Variants in RUNX1 observed in about 807,000 individuals in gnomAD.
RUNX1 encodes the protein runt-related transcription factor 1.
In RUNX1, 19 loss-of-function variants were observed where a neutral mutation model predicts 42.8. That is an observed-to-expected ratio of 0.44 (90% confidence interval 0.31 to 0.65). RUNX1 has a LOEUF of 0.65. RUNX1 is among the 30% of genes least tolerant of loss of function. The pLI is 0.07. For synonymous variants in RUNX1, 271 were observed against 289.4 expected, an observed-to-expected ratio of 0.94 and a Z score of 0.64; for missense variants, 528 against 672.0, an observed-to-expected ratio of 0.79 and a Z score of 2.37.
chr21:34,875,111 G>A (rs1262026481), intron 5 of RUNX1, among the ~76,000 whole-genome samples: 2 of 152,236 alleles, frequency 1.3e-5, no homozygotes, highest in Non-Finnish European at 2.9e-5. Flanking sequence ...CACAAAATCA[G>A]CAAGAAAACT....
intron 7 of RUNX1, among the ~76,000 whole-genome samples, chr21:34,805,983 A>T (rs1485995582): frequency 6.6e-6 from 1 of 152,222 alleles, no homozygotes; most frequent in African/African-American, 2.4e-5. Flanking sequence ...CATTTTTAAA[A>T]AGAATGATTA....
rs560603249 is a variant in RUNX1, at chr21:35,031,040, A to G, written c.58+17802T>C. Among the ~76,000 whole-genome samples the G allele has an allele frequency of 1.1e-4, 17 of 152,334 alleles. No homozygotes were observed. The South Asian group carries it at 3.5e-3, about 32-fold the overall frequency. ...GAGCTATCACCTCACACCTGGTAGG[A>G]AAGCTTTTATCAAAAAGTTAAGAGA... is the stretch of plus-strand genomic sequence containing the variant. On this transcript the variant is annotated intron_variant, in intron 2 of 8. Transcript: ENST00000675419.
intron 7 of RUNX1, among the ~76,000 whole-genome samples, chr21:34,817,242 G>A (rs376913815): frequency 5.3e-5 from 8 of 152,148 alleles, no homozygotes; most frequent in East Asian, 3.9e-4. Context: ...GCTATTCACC[G>A]TCTGTCACTC....
intron 6 of RUNX1, among the ~76,000 whole-genome samples, chr21:34,839,526 C>T (rs918978841): frequency 6.6e-6 from 1 of 152,172 alleles, no homozygotes. Context: ...GACACGAAAG[C>T]ACTTGAACTT....
chr21:34,855,284 A>G (rs576009512), intron 6 of RUNX1, among the ~76,000 whole-genome samples: 1 of 152,320 alleles, frequency 6.6e-6, no homozygotes, highest in Admixed American at 6.5e-5. Context: ...GAAATTATTT[A>G]ATGAAATCTC....
At chr21:34,943,676 C>G (rs1287572668) in intron 2 of RUNX1, among the ~76,000 whole-genome samples, 2 of 152,142 alleles carry the variant, frequency 1.3e-5, no homozygotes, top group Non-Finnish European at 2.9e-5. Context: ...CCTAAAGAGA[C>G]TCAGAGATAA....
chr21:34,822,965 A>G (rs1301578407), intron 7 of RUNX1, among the ~76,000 whole-genome samples: 3 of 152,194 alleles, frequency 2.0e-5, no homozygotes, highest in African/African-American at 7.2e-5. Flanking sequence ...TCCCAAAGCA[A>G]CTGGACATAT....
intron 3 of RUNX1, among the ~76,000 whole-genome samples, chr21:34,889,083 G>A (rs933153138): frequency 6.6e-6 from 1 of 151,426 alleles, no homozygotes; most frequent in South Asian, 2.1e-4. Context: ...CCGGCGCGCC[G>A]CACCCGGAGA....
At chr21:35,032,070 G>A (rs957904532) in intron 2 of RUNX1, among the ~76,000 whole-genome samples, 70 of 152,184 alleles carry the variant, frequency 4.6e-4, no homozygotes, top group African/African-American at 1.6e-3. Flanking sequence ...GGGGCTTTTG[G>A]GGAATGATCA....
chr21:34,797,133 T>C (rs1294183962), intron 8 of RUNX1, among the ~76,000 whole-genome samples: 1 of 152,128 alleles, frequency 6.6e-6, no homozygotes, highest in Admixed American at 6.6e-5. Flanking sequence ...TCAGAGGGAG[T>C]TCTGCCAAAT....
At chr21:34,969,033 A>G (rs774184579) in intron 2 of RUNX1, among the ~76,000 whole-genome samples, 2 of 152,142 alleles carry the variant, frequency 1.3e-5, no homozygotes, top group African/African-American at 4.8e-5. Context: ...GGCTTTTCCT[A>G]TTACAGGTCT....
intron 2 of RUNX1, among the ~76,000 whole-genome samples, chr21:34,967,264 G>C (rs1256877805): frequency 8.0e-6 from 1 of 125,598 alleles, no homozygotes; most frequent in East Asian, 2.6e-4. Flanking sequence ...AGGTTGCAGT[G>C]AGCCAAAATC....
At chr21:34,830,534 T>A (rs1225442413) in intron 7 of RUNX1, among the ~76,000 whole-genome samples, 5 of 152,168 alleles carry the variant, frequency 3.3e-5, no homozygotes, top group Non-Finnish European at 7.4e-5. Flanking sequence ...CTTTGGTGAT[T>A]GGGATTCTTC....
At chr21:35,026,052 G>C (rs568044363) in intron 2 of RUNX1, among the ~76,000 whole-genome samples, 1 of 152,174 alleles carries the variant, frequency 6.6e-6, no homozygotes, top group African/African-American at 2.4e-5. Flanking sequence ...GTGGCACAGG[G>C]GTCTCTTCCA....
chr21:34,886,757 C>T, intron 4 of RUNX1, 86 bp downstream of exon 4: 1 of 1,598,544 alleles, frequency 6.3e-7, no homozygotes, highest in Non-Finnish European at 8.5e-7. Context: ...GAATCCGGCC[C>T]CGCCCGCCTG....
At chr21:35,041,769 A>G (rs564291304) in intron 2 of RUNX1, among the ~76,000 whole-genome samples, 1 of 151,862 alleles carries the variant, frequency 6.6e-6, no homozygotes, top group South Asian at 2.1e-4. Flanking sequence ...ATCATCTGTA[A>G]CTTGCAGAAA....
chr21:34,966,854 C>T (rs533520932), intron 2 of RUNX1, among the ~76,000 whole-genome samples: 14 of 152,112 alleles, frequency 9.2e-5, no homozygotes, highest in South Asian at 4.2e-4. Flanking sequence ...AGGCTACAAA[C>T]GAGAGAACTG....
chr21:34,853,280 C>A (rs926869607), intron 6 of RUNX1, among the ~76,000 whole-genome samples: 1 of 152,158 alleles, frequency 6.6e-6, no homozygotes, highest in Admixed American at 6.5e-5. Flanking sequence ...GTACTTCCTG[C>A]AGCCCTGCCG....
intron 2 of RUNX1, among the ~76,000 whole-genome samples, chr21:34,936,771 A>C (rs951455217): frequency 5.9e-5 from 9 of 152,216 alleles, no homozygotes; most frequent in Admixed American, 2.0e-4. Context: ...TCTGTTTTAA[A>C]GCTCTCGAAG....
Sources: allele counts gnomAD v4.1 joint callset (sites outside exome capture counted in the v4.1 genomes callset), GRCh38; gene constraint gnomAD v4.1.1; transcripts MANE v1.5; gene names NCBI Gene and HGNC (gene_info 2026-07-23, HGNC 2026-07-21).